The following KLHDC4 variants were observed in gnomAD, a reference collection of about 807,000 sequenced individuals.
KLHDC4 encodes kelch domain-containing protein 4.
In KLHDC4, 90 loss-of-function variants were observed where a neutral mutation model predicts 62.4. The observed-to-expected ratio is 1.44, with a 90% CI of 1.22 to 1.72. The LOEUF (loss-of-function observed/expected upper bound fraction) is 1.72. Ranked by LOEUF, KLHDC4 falls within the 40% of genes most tolerant of loss-of-function variation. The pLI is 0.00. For missense variants in KLHDC4, 1,025 were observed against 699.7 expected (o/e 1.47, Z -5.25); for synonymous variants, 386 against 284.4 (o/e 1.36, Z -3.59).
chr16:87,732,123 C>T (rs112482793), intron 5 of KLHDC4, among the ~76,000 whole-genome samples: 9 of 141,058 alleles, frequency 6.4e-5, no homozygotes, highest in African/African-American at 1.0e-4. Context: ...TTTGAGACAG[C>T]GTTTCATTCT....
intron 4 of KLHDC4, among the ~76,000 whole-genome samples, chr16:87,752,144 C>G (rs1423774159): frequency 6.9e-6 from 1 of 143,984 alleles, no homozygotes; most frequent in Non-Finnish European, 1.5e-5. Flanking sequence ...CAGTGGCTCA[C>G]GCCTGTAATC....
exon 1 of KLHDC4, chr16:87,700,839 CGGAGGGAGGAGGTTGGAGGGT>C (rs1161300267): frequency 3.3e-4 from 28 of 86,082 alleles, no homozygotes; most frequent in East Asian, 1.6e-3. Context: ...GGTTGGAGGG[CGGAGGGAGGAGGTTGGAGGGT>C]GGAGGGAGGA....
chr16:87,714,059 C>G (rs1176231431), intron 8 of KLHDC4, among the ~76,000 whole-genome samples: 1 of 152,142 alleles, frequency 6.6e-6, no homozygotes, highest in Non-Finnish European at 1.5e-5. Flanking sequence ...CCCAGCCTGC[C>G]CAGCTGCTGC....
chr16:87,764,729 T>C (rs1365385879), intron 1 of KLHDC4, among the ~76,000 whole-genome samples: 4 of 146,094 alleles, frequency 2.7e-5, no homozygotes, highest in African/African-American at 5.0e-5. Context: ...CCAAGCACCA[T>C]TCTGAAGATA....
At chr16:87,758,959 T>C (rs2045444137) in intron 2 of KLHDC4, among the ~76,000 whole-genome samples, 1 of 152,072 alleles carries the variant, frequency 6.6e-6, no homozygotes, top group Non-Finnish European at 1.5e-5. Flanking sequence ...GCGGATCACC[T>C]GAGGTGGGGA....
At chr16:87,759,218 G>C (rs904808572) in intron 2 of KLHDC4, among the ~76,000 whole-genome samples, 1 of 151,188 alleles carries the variant, frequency 6.6e-6, no homozygotes, top group Non-Finnish European at 1.5e-5. Context: ...GGCAAATTTT[G>C]TTAAACATTT....
intron 7 of KLHDC4, among the ~76,000 whole-genome samples, chr16:87,723,410 C>T (rs1010155354): frequency 6.6e-6 from 1 of 152,248 alleles, no homozygotes; most frequent in East Asian, 1.9e-4. Flanking sequence ...GAGAATGACA[C>T]GCGACTCTGA....
chr16:87,743,042 A>G (rs2042475262), intron 5 of KLHDC4: 1 of 152,378 alleles, frequency 6.6e-6, no homozygotes, highest in Non-Finnish European at 1.5e-5. Context: ...ACCGGCACCA[A>G]CTGGAGGCTT....
rs144095618 is a variant in KLHDC4 at position 87,709,641 on chromosome 16, G to T, written c.1071C>A (p.Arg357=). Reference sequence around the variant, plus strand: ...CGGGCTCCTCTTTTCTGCCCCGCCTGCGTTTCTTCTTTTCAGACTTGGGTC... The same window carrying T: ...CGGGCTCCTCTTTTCTGCCCCGCCTTCGTTTCTTCTTTTCAGACTTGGGTC... The part of the protein sequence containing the change: ...LKGPKSEKKK[R]RRGRKEEPEG... The change falls in exon 10 of 12, where the codon CGC becomes CGA. Residue 357 remains arginine (R), a synonymous_variant. Transcript: ENST00000270583. The T allele has an allele frequency of 2.0e-3, 3,135 of 1,604,862 alleles. 7 individuals are homozygous for T. The highest frequency in any genetic ancestry group is 2.4e-3 in the Non-Finnish European group (2,812 of 1,175,612).
intron 9 of KLHDC4, 152 bp downstream of exon 9, chr16:87,711,083 A>T: frequency 1.5e-6 from 1 of 683,906 alleles, no homozygotes; most frequent in Non-Finnish European, 2.5e-6. Context: ...CTAGTCACCC[A>T]GGACAGTCAG....
rs150467990 is a variant in KLHDC4, at chr16:87,754,631, C to G, written c.369+563G>C. ...AAATTTTCTGTGCGAGTCTAACTGTCACAGAGTTGAACAATGGACAAGGAC... is the reference window on the plus strand; with the variant it reads ...AAATTTTCTGTGCGAGTCTAACTGTGACAGAGTTGAACAATGGACAAGGAC... On this transcript the variant is annotated intron_variant, in intron 4 of 11. Transcript: ENST00000270583. 9.0e-3 allele frequency among the ~76,000 whole-genome samples: 1,366 copies of G among 152,308 alleles called. 20 individuals carry two copies. The highest frequency in any genetic ancestry group is 0.031 in the African/African-American group (1,289 of 41,568).
intron 5 of KLHDC4, chr16:87,739,871 G>A (rs553463314): frequency 6.6e-6 from 1 of 152,374 alleles, no homozygotes; most frequent in South Asian, 2.1e-4. Flanking sequence ...TTTTCTTTCT[G>A]GGGGATGAAA....
At chr16:87,743,359 T>C (rs1207714945) in intron 5 of KLHDC4, among the ~76,000 whole-genome samples, 2 of 152,130 alleles carry the variant, frequency 1.3e-5, no homozygotes. Flanking sequence ...TTTCCTAAAG[T>C]GCTGGGATTA....
intron 5 of KLHDC4, among the ~76,000 whole-genome samples, chr16:87,743,568 G>A (rs1044260014): frequency 3.3e-5 from 5 of 151,868 alleles, no homozygotes; most frequent in Admixed American, 1.3e-4. Flanking sequence ...GTGAAACCCC[G>A]TCTCTACTTA....
chr16:87,755,331 A>G, intron 3 of KLHDC4, 39 bp from the exon 4 acceptor site: 1 of 1,082,738 alleles, frequency 9.2e-7, no homozygotes, highest in Non-Finnish European at 1.4e-6. Flanking sequence ...CACAAATGAT[A>G]CGCTTCCAAG....
chr16:87,752,601 C>T (rs1422776616), intron 4 of KLHDC4, among the ~76,000 whole-genome samples: 1 of 152,006 alleles, frequency 6.6e-6, no homozygotes, highest in Non-Finnish European at 1.5e-5. Flanking sequence ...TCCCAAAGTG[C>T]TGGGATTACA....
chr16:87,710,250 G>A (rs971455472), intron 9 of KLHDC4: 2 of 154,570 alleles, frequency 1.3e-5, no homozygotes, highest in African/African-American at 2.4e-5. Context: ...TTCCCTGGCT[G>A]CGTCGCAGGG....
chr16:87,740,233 C>A (rs1817816058), intron 5 of KLHDC4, among the ~76,000 whole-genome samples: 1 of 152,226 alleles, frequency 6.6e-6, no homozygotes, highest in Non-Finnish European at 1.5e-5. Context: ...GCCGGCAGGG[C>A]AGGCCCACCG....
upstream of KLHDC4, chr16:87,702,693 C>T (rs748186574): frequency 1.2e-4 from 25 of 211,874 alleles, no homozygotes; most frequent in Non-Finnish European, 1.6e-4. Flanking sequence ...GAGGCACCCT[C>T]GCTCCAGCTG....
Sources: gnomAD v4.1 joint callset for allele counts (sites outside exome capture counted in the v4.1 genomes callset) on GRCh38, gnomAD v4.1.1 for gene constraint, MANE v1.5 for transcripts, NCBI Gene and HGNC (gene_info 2026-07-23, HGNC 2026-07-21) for gene names.